CST4: variants seen among roughly 807,000 people sequenced by gnomAD.
CST4 encodes cystatin-S.
A neutral mutation model predicts 11.2 loss-of-function variants in CST4; 17 were observed. The observed-to-expected ratio is 1.52, with a 90% CI of 1.04 to 2.27. The LOEUF is 2.27. Among genes scored for constraint, CST4 ranks in the 30% most tolerant of loss-of-function variants. CST4 has a pLI of 0.00. For missense variants in CST4, 251 were observed against 180.2 expected, an observed-to-expected ratio of 1.39 and a Z score of -2.25; for synonymous variants, 93 against 70.1, an observed-to-expected ratio of 1.33 and a Z score of -1.63.
At chr20:23,686,202 C>T (rs1211934046) in intron 2 of CST4, among the ~76,000 whole-genome samples, 2 of 152,164 alleles carry the variant, frequency 1.3e-5, no homozygotes, top group Non-Finnish European at 2.9e-5. Flanking sequence ...CCACCCCAGC[C>T]TGCAGTGTCC....
intron 2 of CST4, among the ~76,000 whole-genome samples, chr20:23,686,612 A>G (rs2122557610): frequency 6.6e-6 from 1 of 152,252 alleles, no homozygotes; most frequent in African/African-American, 2.4e-5. Context: ...CCCAGCACCC[A>G]GCCCCGCAGG....
Position 23,687,135 on chromosome 20 carries a change from G to C in CST4, c.295C>G (p.Pro99Ala), listed in dbSNP as rs774084140. ...VGRTICTKSQ[P>A]NLDTCAFHEQ... ...TGGAAGGCACAGGTGTCCAAGTTGG[G>C]CTGGGACTTGGTACATATGGTGCGG... Residue 99 changes from proline to alanine, a missense_variant, in exon 2 of 3, where the codon CCC becomes GCC. Coordinates refer to ENST00000217423, the MANE Select transcript of CST4 (RefSeq NM_001899.3). 1.9e-6 allele frequency: 3 copies of C among 1,614,132 alleles called. No homozygotes were observed. The South Asian group carries it at 3.3e-5, about 18-fold the overall frequency.
Position 23,685,783 on chromosome 20 carries a change from A to G in CST4, c.*111T>C, listed in dbSNP as rs372185781. On this transcript the variant is annotated 3_prime_UTR_variant, in exon 3 of 3. Transcript: ENST00000217423. Reference sequence around the variant, plus strand: ...CAGCCTTCTCTGTCTGTCTCTTGGCACAGGCACATGGGGAGGCCTCCCGCA... The same window carrying G: ...CAGCCTTCTCTGTCTGTCTCTTGGCGCAGGCACATGGGGAGGCCTCCCGCA... The G allele has an allele frequency of 8.8e-5, 97 of 1,097,642 alleles. No individual in the cohort carries two copies. Among genetic ancestry groups the G allele is most frequent in the East Asian group, 2.7e-4 (11 of 40,014 alleles). 68.0% of individuals were successfully genotyped at this position (1,097,642 alleles called of 1,614,324 possible). A position where few individuals can be genotyped will look rare whatever the true frequency, so the allele number is the denominator to read the frequency against.
Position 23,685,844 on chromosome 20 carries a change from C to T in CST4, c.*50G>A, listed in dbSNP as rs748476956. 11 of 1,593,814 alleles carry T rather than the reference C, an allele frequency of 6.9e-6. No homozygotes were observed. The highest frequency in any genetic ancestry group is 5.0e-5 in the Admixed American group (3 of 59,802). ...CACCAGTCCAGGGGTGGGAGCACTA[C>T]AGTGGGTGGGAGTGGGTGGTGGTCG... is the stretch of plus-strand genomic sequence containing the variant. On this transcript the variant is annotated 3_prime_UTR_variant, in exon 3 of 3. Transcript: ENST00000217423.
intron 1 of CST4, among the ~76,000 whole-genome samples, chr20:23,688,479 G>C (rs1442804512): frequency 6.6e-6 from 1 of 152,218 alleles, no homozygotes; most frequent in Non-Finnish European, 1.5e-5. Flanking sequence ...CCTGCTGGAC[G>C]CTGGGAAATG....
chr20:23,687,053 G>T, intron 2 of CST4, 35 bp downstream of exon 2: 28 of 1,613,530 alleles, frequency 1.7e-5, no homozygotes, highest in Non-Finnish European at 2.3e-5. Context: ...CCTCTGCAGT[G>T]CATGACTGGC....
chr20:23,688,722 C>T lies in CST4; in HGVS notation c.228+20G>A, dbSNP rs760781036. The T allele has an allele frequency of 4.8e-5, 78 of 1,612,844 alleles. No individual in the cohort carries two copies. Among genetic ancestry groups the T allele is most frequent in the Non-Finnish European group, 5.9e-5 (69 of 1,179,126 alleles). ...AACCAGGCTAGGGCTCAGGACCCCT[C>T]GGGTGGAGGCAGCACCCACCTGCTC... On this transcript the variant is annotated intron_variant, in intron 1 of 2. Coordinates refer to ENST00000217423, the MANE Select transcript of CST4 (RefSeq NM_001899.3).
At chr20:23,687,686 A>G (rs1271819896) in intron 1 of CST4, among the ~76,000 whole-genome samples, 4 of 152,188 alleles carry the variant, frequency 2.6e-5, no homozygotes, top group Non-Finnish European at 4.4e-5. Context: ...AGTGTCTTAC[A>G]ATTGCAGATT....
Position 23,685,909 on chromosome 20 carries a change from C to A in CST4, c.411G>T (p.Arg137Ser). 1 of 1,614,090 alleles carries A rather than the reference C, an allele frequency of 6.2e-7. No individual in the cohort carries two copies. The highest frequency in any genetic ancestry group is 1.1e-5 in the South Asian group (1 of 91,086). The change falls in exon 3 of 3, where the codon AGG becomes AGT. Residue 137 changes from arginine to serine, a missense_variant. By Grantham distance (110) the Arg-to-Ser change is moderately radical. Transcript: ENST00000217423. ...WEDRMSLVNSRCQEA is the reference protein window; with the variant it reads ...WEDRMSLVNSSCQEA ...GCACAGACCCCTAGGCTTCTTGACA[C>A]CTGGAATTCACCAGGGACATTCTGT... is the stretch of plus-strand genomic sequence containing the variant.
chr20:23,688,937 C>G lies in CST4; in HGVS notation c.33G>C (p.Leu11=), dbSNP rs762200713. The G allele has an allele frequency of 6.2e-7, 1 of 1,614,148 alleles. No individual in the cohort carries two copies. The highest frequency in any genetic ancestry group is 8.5e-7 in the Non-Finnish European group (1 of 1,180,010). MARPLCTLLL[L]MATLAGALAS... is the part of the protein sequence containing the mutation. ...CCAGAGCCCCAGCCAGGGTAGCCAT[C>G]AGGAGTAGCAGGGTACACAGAGGCC... Residue 11 remains leucine, a synonymous_variant, in exon 1 of 3, where the codon CTG becomes CTC. Coordinates refer to ENST00000217423, the MANE Select transcript of CST4 (RefSeq NM_001899.3).
Position 23,687,095 on chromosome 20 carries a change from A to G in CST4, c.335T>C (p.Leu112Pro), listed in dbSNP as rs372068751. 59 of 1,614,016 alleles carry G rather than the reference A, an allele frequency of 3.7e-5. 1 individual carries two copies. In the South Asian group the frequency reaches 3.8e-4, roughly 11 times the overall value. The change falls in exon 2 of 3, where the codon CTG (leucine) becomes CCG (proline). Residue 112 changes from leucine (L) to proline (P), a missense_variant. Physicochemically the swap from Leu to Pro is moderately conservative, Grantham distance 98 (BLOSUM62 -3). Transcript: ENST00000217423. ...CCCGCATCAGGAACGTACCTTCTGC[A>G]GTTCTGGCTGTTCATGGAAGGCACA... The part of the protein sequence containing the change: ...DTCAFHEQPE[L>P]QKKQLCSFEI...
intron 1 of CST4, 91 bp downstream of exon 1, chr20:23,688,651 G>T: frequency 8.7e-7 from 1 of 1,155,604 alleles, no homozygotes; most frequent in Non-Finnish European, 1.3e-6. Context: ...GATCATGAAT[G>T]TGTCAGTGTT....
At chr20:23,686,485 A>G (rs1340247086) in intron 2 of CST4, among the ~76,000 whole-genome samples, 37 of 152,248 alleles carry the variant, frequency 2.4e-4, no homozygotes, top group Non-Finnish European at 3.8e-4. Flanking sequence ...GTGTTGGGTG[A>G]GCCGGGCAGG....
At position 23,689,012 on chromosome 20, in the gene CST4, G is replaced by A. The variant is rs182891798; in HGVS notation, c.-43C>T. On this transcript the variant is annotated 5_prime_UTR_variant, in exon 1 of 3. Coordinates refer to ENST00000217423, the MANE Select transcript of CST4 (RefSeq NM_001899.3). ...AGCACAAAGCTGGAGCTGCAGGAGA[G>A]GAGGGTGAGAGCCCGAGGCAGGGAG... is the stretch of plus-strand genomic sequence containing the variant. 5.4e-5 allele frequency: 86 copies of A among 1,591,306 alleles called. No homozygotes were observed. The East Asian group carries it at 9.9e-4, about 18-fold the overall frequency.
intron 2 of CST4, 38 bp downstream of exon 2, chr20:23,687,050 A>G (rs750855345): frequency 1.2e-6 from 2 of 1,611,354 alleles, no homozygotes; most frequent in Admixed American, 1.7e-5. Flanking sequence ...ACCCCTCTGC[A>G]GTGCATGACT....
chr20:23,687,270 C>T, intron 1 of CST4, 69 bp from the exon 2 acceptor site: 1 of 1,504,196 alleles, frequency 6.6e-7, no homozygotes, highest in Non-Finnish European at 9.2e-7. Context: ...AGGCACTTCA[C>T]TGTGGCTGAG....
rs182089948 is a variant in CST4 at position 23,685,960 on chromosome 20, G to C, written c.360C>G (p.Phe120Leu). 1 of 1,613,896 alleles carries C rather than the reference G, an allele frequency of 6.2e-7. No individual in the cohort carries two copies. The highest frequency in any genetic ancestry group is 1.3e-5 in the African/African-American group (1 of 74,894). The change falls in exon 3 of 3, where the codon TTC (phenylalanine) becomes TTG (leucine). Residue 120 changes from phenylalanine (F) to leucine (L), a missense_variant. Transcript: ENST00000217423. ...PELQKKQLCS[F>L]EIYEVPWEDR... The stretch of plus-strand genomic sequence containing the variant: ...CCTCCCAGGGAACTTCGTAGATCTC[G>C]AAAGAGCACAACTGTTTCTGTGAAA...
chr20:23,687,961 G>A (rs570258564), intron 1 of CST4, among the ~76,000 whole-genome samples: 1 of 152,344 alleles, frequency 6.6e-6, no homozygotes, highest in East Asian at 1.9e-4. Context: ...TGCAGGGTGA[G>A]GGCTCCAGCT....
rs565550102 is a variant in CST4 at position 23,685,967 on chromosome 20, C to T, written c.353G>A (p.Cys118Tyr). 2.6e-5 allele frequency: 42 copies of T among 1,613,934 alleles called. No homozygotes were observed. The Admixed American group carries it at 6.8e-4, about 26-fold the overall frequency. Residue 118 changes from cysteine to tyrosine, a missense_variant, in exon 3 of 3, where the codon TGC becomes TAC. By Grantham distance (194) the Cys-to-Tyr change is radical. Coordinates refer to ENST00000217423, the MANE Select transcript of CST4 (RefSeq NM_001899.3). The stretch of plus-strand genomic sequence containing the variant: ...GGGAACTTCGTAGATCTCGAAAGAG[C>T]ACAACTGTTTCTGTGAAAGGGAAGA... ...EQPELQKKQL[C>Y]SFEIYEVPWE...
Sources: gnomAD v4.1 joint callset for allele counts (sites outside exome capture counted in the v4.1 genomes callset) on GRCh38, gnomAD v4.1.1 for gene constraint, MANE v1.5 for transcripts, NCBI Gene and HGNC (gene_info 2026-07-23, HGNC 2026-07-21) for gene names.